The following ITPRID2 variants were observed in gnomAD, a reference collection of about 807,000 sequenced individuals.
The protein encoded by ITPRID2 is protein ITPRID2.
ITPRID2 carries 60 observed loss-of-function variants against 124.3 expected under a neutral mutation model. That is an observed-to-expected ratio of 0.48 (90% confidence interval 0.39 to 0.60). ITPRID2 has a LOEUF of 0.60. Among genes scored for constraint, ITPRID2 ranks in the 20% least tolerant of loss-of-function variants. The pLI is 0.00. For missense variants in ITPRID2, 1,553 were observed against 1,512.2 expected, an observed-to-expected ratio of 1.03 and a Z score of -0.45; for synonymous variants, 521 against 542.9, an observed-to-expected ratio of 0.96 and a Z score of 0.56.
chr2:181,894,636 T>TCAA (rs1411127185), intron 2 of ITPRID2: 1 of 152,174 alleles, frequency 6.6e-6, no homozygotes, highest in Non-Finnish European at 1.5e-5. Context: ...AGTTCTCAAA[T>TCAA]AGTCTTTGTT....
intron 9 of ITPRID2, among the ~76,000 whole-genome samples, chr2:181,911,358 A>G (rs1382705607): frequency 6.6e-6 from 1 of 152,212 alleles, no homozygotes; most frequent in Non-Finnish European, 1.5e-5. Flanking sequence ...AATTATCTTA[A>G]TCTCAAATCC....
chr2:181,919,018 A>T lies in ITPRID2; in HGVS notation c.2993+136A>T. The T allele has an allele frequency of 8.1e-7, 1 of 1,229,412 alleles. No homozygotes were observed. The highest frequency in any genetic ancestry group is 1.1e-6 in the Non-Finnish European group (1 of 900,900). The allele number at this position is 1,229,412 out of a possible 1,614,324, so 76.2% of individuals were successfully genotyped here. On this transcript the variant is annotated intron_variant, in intron 13 of 17. Transcript: ENST00000431877. This position sits in a 1 kb window ranked among gnomAD's most constrained non-coding sequence, Gnocchi z 4.2. ...TGTTTTGTGAACCAGTGTAGATAAG[A>T]TTAGTCATAGATAGTGTTTTACTAA...
rs779333135 is a variant in ITPRID2 at position 181,892,303 on chromosome 2, G to C, written c.211+26G>C. On this transcript the variant is annotated intron_variant, in intron 1 of 17. Coordinates refer to ENST00000431877, the MANE Select transcript of ITPRID2 (RefSeq NM_001130445.3). This position sits in a 1 kb window ranked among gnomAD's most constrained non-coding sequence, Gnocchi z 5.2. ...GTCGGTGCTCCCGGCCGGGCTCCGG[G>C]GGGAGGCTGGTGGGCTGGGGAGAGT... 3.3e-6 allele frequency: 5 copies of C among 1,531,396 alleles called. No individual in the cohort carries two copies. The Admixed American group carries it at 6.0e-5, about 18-fold the overall frequency. The allele number at this position is 1,531,396 out of a possible 1,614,324, so 94.9% of individuals were successfully genotyped here.
In ITPRID2 at chr2:181,919,157, TTGTA is replaced by T; in HGVS notation, c.2994-138_2994-135del. On this transcript the variant is annotated intron_variant, in intron 13 of 17. Coordinates refer to ENST00000431877, the MANE Select transcript of ITPRID2 (RefSeq NM_001130445.3). The surrounding 1 kb of genome is among the most constrained non-coding windows in gnomAD (Gnocchi z 4.2). ...ACTAATGTCCTTGTGGATACACCTA[TTGTA>T]GTTGATATTGTACTAATTTCTAGAA... 1 of 968,306 alleles carries T rather than the reference TTGTA, an allele frequency of 1.0e-6. No individual in the cohort carries two copies. Among genetic ancestry groups the T allele is most frequent in the South Asian group, 1.6e-5 (1 of 62,264 alleles). 60.0% of individuals were successfully genotyped at this position (968,306 alleles called of 1,614,324 possible). A position where few individuals can be genotyped will look rare whatever the true frequency, so the allele number is the denominator to read the frequency against.
At chr2:181,918,939 C>A in intron 13 of ITPRID2, 57 bp downstream of exon 13, 1 of 1,583,448 alleles carries the variant, frequency 6.3e-7, no homozygotes, top group South Asian at 1.2e-5. Flanking sequence ...AAAGTCTTCT[C>A]AACTTATATT....
chr2:181,929,114 G>T (rs934613353), intron 17 of ITPRID2, among the ~76,000 whole-genome samples: 3 of 150,948 alleles, frequency 2.0e-5, no homozygotes, highest in Non-Finnish European at 3.0e-5. Flanking sequence ...GTAGAGATGG[G>T]GTCTTGCTAT....
At chr2:181,900,925 G>C (rs750111727) in intron 7 of ITPRID2, 21 bp downstream of exon 7, 10 of 1,558,370 alleles carry the variant, frequency 6.4e-6, no homozygotes, top group African/African-American at 4.1e-5. Flanking sequence ...TAAGTGTTAG[G>C]CATATTATTT....
At position 181,892,331 on chromosome 2, in the gene ITPRID2, C is replaced by G. The variant is rs1428656193; in HGVS notation, c.211+54C>G. The G allele has an allele frequency of 6.7e-7, 1 of 1,486,002 alleles. No individual in the cohort carries two copies. The highest frequency in any genetic ancestry group is 9.0e-7 in the Non-Finnish European group (1 of 1,115,256). 92.1% of individuals were successfully genotyped at this position (1,486,002 alleles called of 1,614,324 possible). A position where few individuals can be genotyped will look rare whatever the true frequency, so the allele number is the denominator to read the frequency against. ...GAGGCTGGTGGGCTGGGGAGAGTCTCGTGCGCCCTGGGCGCCTGCCACGAG... is the reference window on the plus strand; with the variant it reads ...GAGGCTGGTGGGCTGGGGAGAGTCTGGTGCGCCCTGGGCGCCTGCCACGAG... On this transcript the variant is annotated intron_variant, in intron 1 of 17. Transcript: ENST00000431877. The surrounding 1 kb of genome is among the most constrained non-coding windows in gnomAD (Gnocchi z 5.2).
Position 181,916,407 on chromosome 2 carries a change from TCA to T in ITPRID2, c.2769_2770del (p.Leu924AlafsTer13). 1.9e-6 allele frequency: 3 copies of T among 1,613,538 alleles called. No individual in the cohort carries two copies. Among genetic ancestry groups the T allele is most frequent in the Non-Finnish European group, 2.5e-6 (3 of 1,179,538 alleles). On this transcript the variant is annotated frameshift_variant, in exon 11 of 18. Transcript: ENST00000431877. LOFTEE classifies it high-confidence loss of function. The stretch of plus-strand genomic sequence containing the variant: ...AAGAGTATTACATGATATTAGAAAC[TCA>T]CTGCAGAATCTTTCACAGGTATGAG... ...LRRVLHDIRN[S>X]LQNLSQYPMM...
intron 2 of ITPRID2, chr2:181,894,243 T>A (rs1178963161): frequency 6.6e-6 from 1 of 152,206 alleles, no homozygotes; most frequent in Non-Finnish European, 1.5e-5. Flanking sequence ...AGTAAATAAG[T>A]GCATCTTTTT....
intron 8 of ITPRID2, among the ~76,000 whole-genome samples, chr2:181,903,299 C>T (rs1027086027): frequency 6.6e-6 from 1 of 152,144 alleles, no homozygotes; most frequent in Non-Finnish European, 1.5e-5. Flanking sequence ...TCATTTTATA[C>T]ATGAGGAAAC....
chr2:181,926,935 A>C (rs962627274), intron 16 of ITPRID2, among the ~76,000 whole-genome samples: 2 of 152,192 alleles, frequency 1.3e-5, no homozygotes, highest in Non-Finnish European at 2.9e-5. Context: ...TTTGTATCCA[A>C]CACATACTTG....
In ITPRID2 at chr2:181,902,942, TG is replaced by T. The variant is rs1256258324; in HGVS notation, c.1413+478del. Among the ~76,000 whole-genome samples the T allele has an allele frequency of 3.3e-5, 5 of 152,108 alleles. No individual in the cohort carries two copies. The highest frequency in any genetic ancestry group is 1.2e-4 in the African/African-American group (5 of 41,412). On this transcript the variant is annotated intron_variant, in intron 8 of 17. Transcript: ENST00000431877. This position sits in a 1 kb window ranked among gnomAD's most constrained non-coding sequence, Gnocchi z 4.4. The stretch of plus-strand genomic sequence containing the variant: ...TTGGGGATAGTTCTTGTTATATGAC[TG>T]GAAAGAACATGAAGATATTACGTAC...
chr2:181,903,742 TA>T (rs773605078), intron 8 of ITPRID2, among the ~76,000 whole-genome samples: 2 of 152,174 alleles, frequency 1.3e-5, no homozygotes, highest in Non-Finnish European at 2.9e-5. Context: ...CCTCCTGGTA[TA>T]ATTTATTTCT....
intron 16 of ITPRID2, among the ~76,000 whole-genome samples, chr2:181,927,539 G>C (rs1694952035): frequency 1.3e-5 from 2 of 152,128 alleles, no homozygotes; most frequent in South Asian, 4.1e-4. Flanking sequence ...CAAAAGCTTA[G>C]ATGGCTGGCA....
Position 181,896,196 on chromosome 2 carries a change from A to C in ITPRID2, c.307+117A>C, listed in dbSNP as rs938803431. 3.3e-6 allele frequency: 3 copies of C among 899,424 alleles called. No individual in the cohort carries two copies. The African/African-American group carries it at 5.1e-5, about 15-fold the overall frequency. The allele number at this position is 899,424 out of a possible 1,614,324, so 55.7% of individuals were successfully genotyped here. A position where few individuals can be genotyped will look rare whatever the true frequency, so the allele number is the denominator to read the frequency against. On this transcript the variant is annotated intron_variant, in intron 3 of 17. Coordinates refer to ENST00000431877, the MANE Select transcript of ITPRID2 (RefSeq NM_001130445.3). This position sits in a 1 kb window ranked among gnomAD's most constrained non-coding sequence, Gnocchi z 4.3. ...GATATTCATGTTTATAGTATATGCT[A>C]TTCTGAGCTAGAAGCAAAATGGAGA...
intron 11 of ITPRID2, chr2:181,918,388 G>A (rs758156429): frequency 9.9e-5 from 132 of 1,330,282 alleles, no homozygotes; most frequent in Non-Finnish European, 1.2e-4. Context: ...CTCCTCCCAC[G>A]TAGATTGACT....
chr2:181,918,459 T>C (rs962116026), intron 11 of ITPRID2, 139 bp from the exon 12 acceptor site: 4 of 1,459,378 alleles, frequency 2.7e-6, no homozygotes, highest in Non-Finnish European at 3.6e-6. Context: ...TTTTCCTGCT[T>C]ACAATATGAA....
In ITPRID2 at chr2:181,930,735, T is replaced by C. The variant is rs980609219; in HGVS notation, c.*1188T>C. On this transcript the variant is annotated 3_prime_UTR_variant, in exon 18 of 18. Transcript: ENST00000431877. ...AAAACAATAAAGTATTTATTTTGCC[T>C]AAAGTGTTTTAGTGGTTTCTTAAAC... is the stretch of plus-strand genomic sequence containing the variant. 2.6e-5 allele frequency: 4 copies of C among 152,392 alleles called. No homozygotes were observed. The highest frequency in any genetic ancestry group is 2.1e-4 in the South Asian group (1 of 4,826). The allele number at this position is 152,392 out of a possible 1,614,324, so 9.4% of individuals were successfully genotyped here.
Sources: gnomAD v4.1 joint callset for allele counts (sites outside exome capture counted in the v4.1 genomes callset) on GRCh38, gnomAD v4.1.1 for gene constraint, Gnocchi (gnomAD v3.1) non-coding constraint, MANE v1.5 for transcripts, NCBI Gene and HGNC (gene_info 2026-07-23, HGNC 2026-07-21) for gene names.